The following CHCHD6 variants were observed in gnomAD, a reference collection of about 807,000 sequenced individuals.
CHCHD6 encodes MICOS complex subunit MIC25.
In CHCHD6, 28 loss-of-function variants were observed where a neutral mutation model predicts 32.3. The ratio of observed to expected loss-of-function variants is 0.87; its 90% CI spans 0.64 to 1.19. The LOEUF (loss-of-function observed/expected upper bound fraction) is 1.19. Among genes scored for constraint, CHCHD6 ranks in the 50% most tolerant of loss-of-function variants. CHCHD6 has a pLI of 0.00. For missense variants in CHCHD6, 333 were observed against 307.0 expected (o/e 1.08, Z -0.63); for synonymous variants, 122 against 117.5 (o/e 1.04, Z -0.25).
At chr3:126,861,543 C>T (rs530805073) in intron 5 of CHCHD6, among the ~76,000 whole-genome samples, 4 of 143,284 alleles carry the variant, frequency 2.8e-5, no homozygotes, top group Non-Finnish European at 6.3e-5. Context: ...CCACCACCAC[C>T]AGCACCACCA....
At chr3:126,744,830 G>A (rs1034718170) in intron 4 of CHCHD6, among the ~76,000 whole-genome samples, 1 of 152,148 alleles carries the variant, frequency 6.6e-6, no homozygotes, top group African/African-American at 2.4e-5. Context: ...TGGGACTACC[G>A]GCGTGCACCA....
At chr3:126,889,282 G>A (rs914662336) in intron 5 of CHCHD6, among the ~76,000 whole-genome samples, 3 of 152,186 alleles carry the variant, frequency 2.0e-5, no homozygotes, top group Non-Finnish European at 2.9e-5. Context: ...GGCAGGAGCT[G>A]GGGCCACAGT....
chr3:126,751,146 A>ATTT (rs112307410), intron 4 of CHCHD6, among the ~76,000 whole-genome samples: 2 of 144,056 alleles, frequency 1.4e-5, no homozygotes, highest in Non-Finnish European at 1.5e-5. Context: ...GGGGACTGTT[A>ATTT]TTTTTTTTTT....
intron 6 of CHCHD6, among the ~76,000 whole-genome samples, chr3:126,926,545 T>C (rs972996385): frequency 2.0e-5 from 3 of 152,032 alleles, no homozygotes; most frequent in African/African-American, 7.2e-5. Context: ...CCAGGGGTCA[T>C]TGTGAGTGGA....
rs113712009 is a variant in CHCHD6, at chr3:126,901,008, C to T, written c.496-13672C>T. 3.5e-3 allele frequency among the ~76,000 whole-genome samples: 519 copies of T among 148,136 alleles called. 1 individual carries two copies. The highest frequency in any genetic ancestry group is 0.012 in the African/African-American group (485 of 41,068). On this transcript the variant is annotated intron_variant, in intron 5 of 7. Transcript: ENST00000290913. The stretch of plus-strand genomic sequence containing the variant: ...GGGATCCGCCCTCATGATGCAAACA[C>T]CCCCCCCAGGCCCTACCTCCAACAC...
intron 4 of CHCHD6, among the ~76,000 whole-genome samples, chr3:126,772,354 T>C (rs1207437225): frequency 6.6e-6 from 1 of 152,162 alleles, no homozygotes; most frequent in Non-Finnish European, 1.5e-5. Flanking sequence ...TGCTTCAGCC[T>C]CCCAAAGTGC....
chr3:126,879,924 A>AT (rs1191819142), intron 5 of CHCHD6, among the ~76,000 whole-genome samples: 3 of 152,220 alleles, frequency 2.0e-5, no homozygotes, highest in African/African-American at 7.2e-5. Context: ...GGCACTTATC[A>AT]TATTATTCTG....
intron 5 of CHCHD6, among the ~76,000 whole-genome samples, chr3:126,911,292 G>A (rs915161625): frequency 1.9e-4 from 29 of 152,302 alleles, no homozygotes; most frequent in African/African-American, 6.5e-4. Context: ...GTGCACGTTG[G>A]TAGTGTCTAG....
At chr3:126,929,559 T>C (rs2078372976) in intron 6 of CHCHD6, among the ~76,000 whole-genome samples, 1 of 151,562 alleles carries the variant, frequency 6.6e-6, no homozygotes, top group South Asian at 2.1e-4. Context: ...GTCATCTCTC[T>C]CAACTCTCTC....
intron 5 of CHCHD6, among the ~76,000 whole-genome samples, chr3:126,912,249 G>T (rs1318428756): frequency 6.6e-6 from 1 of 152,220 alleles, no homozygotes; most frequent in East Asian, 1.9e-4. Flanking sequence ...CAGCTAAGCA[G>T]TTCCCACCCA....
rs576296194 is a variant in CHCHD6, at chr3:126,888,199, G to A, written c.496-26481G>A. Among the ~76,000 whole-genome samples the A allele has an allele frequency of 2.6e-5, 4 of 152,292 alleles. No individual in the cohort carries two copies. In the East Asian group the frequency reaches 7.8e-4, roughly 30 times the overall value. On this transcript the variant is annotated intron_variant, in intron 5 of 7. Coordinates refer to ENST00000290913, the MANE Select transcript of CHCHD6 (RefSeq NM_032343.3). The stretch of plus-strand genomic sequence containing the variant: ...GACAGCAGAGCAGAAAGACAGAAGA[G>A]CTGGAGGCCCTCCGGACTCTGGGGT...
intron 6 of CHCHD6, among the ~76,000 whole-genome samples, chr3:126,942,281 T>G (rs2078571842): frequency 6.6e-6 from 1 of 152,166 alleles, no homozygotes; most frequent in Admixed American, 6.5e-5. Flanking sequence ...TATTTTCCCT[T>G]TGTGTTTGCT....
At chr3:126,755,093 A>G (rs545287911) in intron 4 of CHCHD6, among the ~76,000 whole-genome samples, 9 of 152,296 alleles carry the variant, frequency 5.9e-5, no homozygotes, top group Admixed American at 5.9e-4. Context: ...GGCTCTAGCG[A>G]GGGCAGAGGA....
intron 4 of CHCHD6, among the ~76,000 whole-genome samples, chr3:126,747,393 A>G (rs951447149): frequency 2.6e-5 from 4 of 152,186 alleles, no homozygotes; most frequent in South Asian, 2.1e-4. Context: ...AGTGCAACTC[A>G]TAAGGTTAGT....
Position 126,841,235 on chromosome 3 carries a change from T to G in CHCHD6, c.412-11412T>G, listed in dbSNP as rs1206584220. Among the ~76,000 whole-genome samples, 8 of 152,364 alleles carry G rather than the reference T, an allele frequency of 5.3e-5. No individual in the cohort carries two copies. In the East Asian group the frequency reaches 1.5e-3, roughly 29 times the overall value. On this transcript the variant is annotated intron_variant, in intron 4 of 7. Transcript: ENST00000290913. ...CAAAGGACATGAACTCATCATTTTT[T>G]ATGGCTGCATAGTATTCCATGGTGT...
intron 5 of CHCHD6, among the ~76,000 whole-genome samples, chr3:126,901,423 A>G (rs1337458042): frequency 1.3e-5 from 2 of 152,162 alleles, no homozygotes; most frequent in Non-Finnish European, 2.9e-5. Flanking sequence ...AGTTGGCCTG[A>G]CCTCAGTCAC....
At chr3:126,806,096 C>G (rs1463100422) in intron 4 of CHCHD6, among the ~76,000 whole-genome samples, 2 of 152,146 alleles carry the variant, frequency 1.3e-5, no homozygotes, top group African/African-American at 2.4e-5. Flanking sequence ...ACCATAAAAA[C>G]CCTAGAAGAA....
intron 5 of CHCHD6, among the ~76,000 whole-genome samples, chr3:126,911,210 T>G (rs775213500): frequency 2.6e-5 from 4 of 152,224 alleles, no homozygotes; most frequent in Non-Finnish European, 5.9e-5. Context: ...TGCCACCATC[T>G]CAGAGCTCCA....
intron 4 of CHCHD6, among the ~76,000 whole-genome samples, chr3:126,819,957 C>T (rs916069152): frequency 6.6e-6 from 1 of 152,208 alleles, no homozygotes; most frequent in African/African-American, 2.4e-5. Context: ...TTTGTTTCAT[C>T]ATAGGAAACT....
Sources: gnomAD v4.1 joint callset for allele counts (sites outside exome capture counted in the v4.1 genomes callset) on GRCh38, gnomAD v4.1.1 for gene constraint, MANE v1.5 for transcripts, NCBI Gene and HGNC (gene_info 2026-07-23, HGNC 2026-07-21) for gene names.